Variants in CNOT4 observed in about 807,000 individuals in gnomAD.
CNOT4 encodes CCR4-NOT transcription complex subunit 4.
In CNOT4, 8 loss-of-function variants were observed where a neutral mutation model predicts 73.8. The observed-to-expected ratio is 0.11, with a 90% confidence interval of 0.06 to 0.20. CNOT4 has a LOEUF of 0.20. Ranked by LOEUF, CNOT4 falls within the 10% of genes least tolerant of loss-of-function variation. The pLI, the probability that CNOT4 is intolerant of heterozygous loss-of-function variation, is 1.00. For missense variants in CNOT4, 564 were observed against 883.4 expected (o/e 0.64, Z 4.58); for synonymous variants, 293 against 321.1 (o/e 0.91, Z 0.94).
intron 6 of CNOT4, among the ~76,000 whole-genome samples, chr7:135,412,432 G>T (rs1188336127): frequency 6.6e-6 from 1 of 151,720 alleles, no homozygotes; most frequent in Non-Finnish European, 1.5e-5. Context: ...TTTTGAAATG[G>T]TTCTACCTTA....
At chr7:135,420,091 T>C (rs1798099258) in intron 3 of CNOT4, among the ~76,000 whole-genome samples, 1 of 151,528 alleles carries the variant, frequency 6.6e-6, no homozygotes, top group African/African-American at 2.4e-5. Context: ...GTAGGAAACT[T>C]AGAATCCAAA....
chr7:135,443,731 T>C (rs146701401), intron 1 of CNOT4, among the ~76,000 whole-genome samples: 3 of 152,200 alleles, frequency 2.0e-5, no homozygotes, highest in South Asian at 2.1e-4. Flanking sequence ...TCACATACCA[T>C]GTAGTAAGTA....
At chr7:135,494,966 A>G (rs1803367249) in intron 1 of CNOT4, among the ~76,000 whole-genome samples, 1 of 152,224 alleles carries the variant, frequency 6.6e-6, no homozygotes, top group Non-Finnish European at 1.5e-5. Flanking sequence ...TGAAACATTT[A>G]CCACATAGCA....
intron 1 of CNOT4, among the ~76,000 whole-genome samples, chr7:135,446,544 A>T (rs979972022): frequency 6.6e-6 from 1 of 152,162 alleles, no homozygotes; most frequent in African/African-American, 2.4e-5. Flanking sequence ...TAACCCTTTA[A>T]TTTTTTGCCA....
At chr7:135,504,402 T>C (rs1187397105) in intron 1 of CNOT4, among the ~76,000 whole-genome samples, 17 of 150,134 alleles carry the variant, frequency 1.1e-4, no homozygotes, top group Admixed American at 1.1e-3. Flanking sequence ...TTCAAATGAT[T>C]CTCCTGCCTC....
intron 1 of CNOT4, among the ~76,000 whole-genome samples, chr7:135,449,658 A>G (rs1395501332): frequency 6.6e-6 from 1 of 152,204 alleles, no homozygotes; most frequent in Non-Finnish European, 1.5e-5. Flanking sequence ...ATGAAGAGAA[A>G]ATTACTGTCA....
chr7:135,507,436 A>G (rs1804448912), intron 1 of CNOT4, among the ~76,000 whole-genome samples: 1 of 152,184 alleles, frequency 6.6e-6, no homozygotes, highest in Non-Finnish European at 1.5e-5. Flanking sequence ...TCAGCTCCCT[A>G]TTTCCTATCA....
At chr7:135,386,184 G>C (rs1393753461) in intron 10 of CNOT4, 1 of 148,898 alleles carries the variant, frequency 6.7e-6, no homozygotes, top group Non-Finnish European at 1.5e-5. Flanking sequence ...GGGAGAAGGG[G>C]ATCACCAAAT....
At chr7:135,424,711 C>T (rs375345914) in intron 2 of CNOT4, among the ~76,000 whole-genome samples, 1 of 152,082 alleles carries the variant, frequency 6.6e-6, no homozygotes, top group Non-Finnish European at 1.5e-5. Flanking sequence ...ACTGCTTGAA[C>T]CTGGGAGGCA....
intron 1 of CNOT4, among the ~76,000 whole-genome samples, chr7:135,476,049 C>T (rs777007789): frequency 2.0e-5 from 3 of 152,074 alleles, no homozygotes; most frequent in Non-Finnish European, 4.4e-5. Flanking sequence ...TTTGGTAAAA[C>T]TGACTAAACT....
intron 1 of CNOT4, among the ~76,000 whole-genome samples, chr7:135,490,290 A>C (rs1803022425): frequency 6.6e-6 from 1 of 152,250 alleles, no homozygotes; most frequent in Non-Finnish European, 1.5e-5. Context: ...GGTTTCGAGT[A>C]GAAAATACTA....
rs1585533984 is a variant in CNOT4, at chr7:135,363,288, G to C, written c.1841-102C>G. 1.3e-5 allele frequency: 14 copies of C among 1,040,460 alleles called. No individual in the cohort carries two copies. In the East Asian group the frequency reaches 3.1e-4, roughly 23 times the overall value. 64.5% of individuals were successfully genotyped at this position (1,040,460 alleles called of 1,614,324 possible). Reference sequence around the variant, plus strand: ...AGCAAAACCAAAAGGAAAGACAGAAGAGATTACAATTTTAAACTCCTTCCA... The same window carrying C: ...AGCAAAACCAAAAGGAAAGACAGAACAGATTACAATTTTAAACTCCTTCCA... On this transcript the variant is annotated intron_variant, in intron 11 of 11. Coordinates refer to ENST00000541284, the MANE Select transcript of CNOT4 (RefSeq NM_001190850.2). The surrounding 1 kb of genome is among the most constrained non-coding windows in gnomAD (Gnocchi z 4.3).
chr7:135,476,278 C>T (rs549728582), intron 1 of CNOT4, among the ~76,000 whole-genome samples: 1 of 152,262 alleles, frequency 6.6e-6, no homozygotes, highest in East Asian at 1.9e-4. Flanking sequence ...ACCCAACCCA[C>T]AAGATCAGCC....
At chr7:135,430,939 T>G (rs891539611) in intron 2 of CNOT4, among the ~76,000 whole-genome samples, 1 of 152,186 alleles carries the variant, frequency 6.6e-6, no homozygotes, top group Non-Finnish European at 1.5e-5. Flanking sequence ...CTAGAGGAGT[T>G]ACCCAGTAGA....
intron 1 of CNOT4, among the ~76,000 whole-genome samples, chr7:135,477,211 C>G (rs1267075288): frequency 1.3e-5 from 2 of 150,960 alleles, no homozygotes; most frequent in African/African-American, 4.9e-5. Context: ...GGCATGGTGG[C>G]ACATGCCCAT....
At chr7:135,399,408 T>C (rs1796885929) in intron 7 of CNOT4, among the ~76,000 whole-genome samples, 1 of 152,062 alleles carries the variant, frequency 6.6e-6, no homozygotes, top group Non-Finnish European at 1.5e-5. Context: ...TATCTAAATA[T>C]ATCTAAAAAT....
chr7:135,475,721 C>T (rs912702165), intron 1 of CNOT4, among the ~76,000 whole-genome samples: 1 of 152,060 alleles, frequency 6.6e-6, no homozygotes. Context: ...ACCAGCCAGG[C>T]CAACATGGCA....
At chr7:135,455,940 T>G (rs1194969721) in intron 1 of CNOT4, among the ~76,000 whole-genome samples, 10 of 152,238 alleles carry the variant, frequency 6.6e-5, no homozygotes, top group Non-Finnish European at 1.3e-4. Context: ...TTTGTTTACT[T>G]AATTGTGGGA....
At chr7:135,380,698 C>T (rs1795796353) in intron 10 of CNOT4, among the ~76,000 whole-genome samples, 1 of 152,158 alleles carries the variant, frequency 6.6e-6, no homozygotes, top group Admixed American at 6.5e-5. Flanking sequence ...GTTTTTTCCT[C>T]CACTGAGTTT....
Sources: gnomAD v4.1 joint callset for allele counts (sites outside exome capture counted in the v4.1 genomes callset) on GRCh38, gnomAD v4.1.1 for gene constraint, Gnocchi (gnomAD v3.1) non-coding constraint, MANE v1.5 for transcripts, NCBI Gene and HGNC (gene_info 2026-07-23, HGNC 2026-07-21) for gene names.